Variants in OCA2 observed in about 807,000 individuals in gnomAD.
The protein encoded by OCA2 is P protein.
In OCA2, 77 loss-of-function variants were observed where a neutral mutation model predicts 100.2. That is an observed-to-expected ratio of 0.77 (90% CI 0.64 to 0.93). The LOEUF is 0.93. OCA2 is among the 40% of genes least tolerant of loss of function. OCA2 has a pLI of 0.00. For synonymous variants in OCA2, 432 were observed against 439.2 expected, an observed-to-expected ratio of 0.98 and a Z score of 0.21; for missense variants, 1,062 against 1,089.1, an observed-to-expected ratio of 0.98 and a Z score of 0.35.
In OCA2 at chr15:28,081,879, C is replaced by G. The variant is rs2044643663; in HGVS notation, c.-5G>C. The G allele has an allele frequency of 6.2e-7, 1 of 1,608,710 alleles. No individual in the cohort carries two copies. Among genetic ancestry groups the G allele is most frequent in the Non-Finnish European group, 8.5e-7 (1 of 1,178,962 alleles). On this transcript the variant is annotated 5_prime_UTR_variant, in exon 2 of 24. Coordinates refer to ENST00000354638, the MANE Select transcript of OCA2 (RefSeq NM_000275.3). ...GTCTCTGCCCTCCAGATGCATGCTC[C>G]ACTGCCAGTCTTCTCTCTAGGGCAG...
chr15:27,989,466 C>T, intron 11 of OCA2, 135 bp downstream of exon 11: 1 of 750,090 alleles, frequency 1.3e-6, no homozygotes, highest in South Asian at 1.5e-5. Flanking sequence ...ATTCATGAGA[C>T]CTGCACTAAC....
chr15:27,743,936 C>T, the OCA2 span, among the ~76,000 whole-genome samples: 1 of 152,190 alleles, frequency 6.6e-6, no homozygotes, highest in South Asian at 2.1e-4. Flanking sequence ...TGACTGTCTA[C>T]CAGCTGCTCC....
the OCA2 span, among the ~76,000 whole-genome samples, chr15:27,728,933 C>G: frequency 6.6e-6 from 1 of 152,078 alleles, no homozygotes; most frequent in Non-Finnish European, 1.5e-5. Context: ...TTCAAACGAT[C>G]AAGTCCTGGT....
At chr15:27,797,703 T>C (rs1392491674) in intron 23 of OCA2, among the ~76,000 whole-genome samples, 1 of 152,186 alleles carries the variant, frequency 6.6e-6, no homozygotes, top group East Asian at 1.9e-4. Context: ...ACTCTGAAGC[T>C]GGATGAAAAC....
At chr15:27,896,064 G>A (rs926456311) in intron 19 of OCA2, 26 of 1,199,108 alleles carry the variant, frequency 2.2e-5, no homozygotes, top group Middle Eastern at 2.8e-4. Flanking sequence ...CCAAGTGGAG[G>A]TGACTGGCAA....
At chr15:28,078,455 A>G (rs2044505725) in intron 2 of OCA2, among the ~76,000 whole-genome samples, 1 of 152,184 alleles carries the variant, frequency 6.6e-6, no homozygotes, top group African/African-American at 2.4e-5. Context: ...GTGTCACTCC[A>G]TGATTAGGTC....
chr15:27,795,055 T>C (rs1210824666), intron 23 of OCA2, among the ~76,000 whole-genome samples: 2 of 152,156 alleles, frequency 1.3e-5, no homozygotes, highest in African/African-American at 2.4e-5. Context: ...AATTTGTTAA[T>C]CACCGAGTGG....
At chr15:28,006,013 G>T (rs916059734) in intron 9 of OCA2, among the ~76,000 whole-genome samples, 1 of 152,146 alleles carries the variant, frequency 6.6e-6, no homozygotes, top group Non-Finnish European at 1.5e-5. Context: ...CTGGCCAGCT[G>T]GGGAACTTTG....
chr15:27,729,418 T>C, the OCA2 span, among the ~76,000 whole-genome samples: 1 of 152,200 alleles, frequency 6.6e-6, no homozygotes, highest in African/African-American at 2.4e-5. Flanking sequence ...TAGATGTTTA[T>C]TACAGCAAAT....
At chr15:28,008,317 T>C (rs112281325) in intron 9 of OCA2, among the ~76,000 whole-genome samples, 3 of 152,372 alleles carry the variant, frequency 2.0e-5, no homozygotes, top group African/African-American at 7.2e-5. Context: ...ATGTACTTTA[T>C]GTTCTTAGCT....
chr15:28,034,874 C>G (rs1382906482), intron 2 of OCA2, among the ~76,000 whole-genome samples: 1 of 151,948 alleles, frequency 6.6e-6, no homozygotes, highest in Non-Finnish European at 1.5e-5. Flanking sequence ...TCAAATAAAA[C>G]AAGTTTTCTA....
At chr15:28,049,054 A>C (rs2043428132) in intron 2 of OCA2, among the ~76,000 whole-genome samples, 1 of 152,188 alleles carries the variant, frequency 6.6e-6, no homozygotes, top group South Asian at 2.1e-4. Context: ...CAACCTATGG[A>C]ATTAAAGAAA....
chr15:27,820,395 A>G (rs2034461641), intron 23 of OCA2, among the ~76,000 whole-genome samples: 1 of 152,180 alleles, frequency 6.6e-6, no homozygotes, highest in Non-Finnish European at 1.5e-5. Flanking sequence ...TCCACAGGGT[A>G]TGATGAAAAT....
chr15:27,939,089 T>C (rs767184743), intron 18 of OCA2, among the ~76,000 whole-genome samples: 8 of 152,230 alleles, frequency 5.3e-5, no homozygotes, highest in Non-Finnish European at 1.2e-4. Flanking sequence ...CTTTGAAACA[T>C]GTTGAAAATC....
intron 17 of OCA2, among the ~76,000 whole-genome samples, chr15:27,953,385 TG>T (rs2040102300): frequency 6.6e-6 from 1 of 152,132 alleles, no homozygotes; most frequent in East Asian, 1.9e-4. Flanking sequence ...TGAAGGCTCA[TG>T]GCTGGGCCAG....
At chr15:27,772,317 CTAT>C (rs2031927716) in intron 23 of OCA2, among the ~76,000 whole-genome samples, 2 of 152,226 alleles carry the variant, frequency 1.3e-5, no homozygotes, top group African/African-American at 2.4e-5. Context: ...ACTGCAAATT[CTAT>C]TACTACTACT....
At chr15:28,042,091 A>G (rs1371737588) in intron 2 of OCA2, among the ~76,000 whole-genome samples, 2 of 152,226 alleles carry the variant, frequency 1.3e-5, no homozygotes, top group African/African-American at 2.4e-5. Context: ...TCCATATGTT[A>G]CATATATTAT....
chr15:27,978,679 G>A (rs999323157), intron 14 of OCA2, among the ~76,000 whole-genome samples: 3 of 151,944 alleles, frequency 2.0e-5, no homozygotes, highest in East Asian at 1.9e-4. Flanking sequence ...TATAGAGAGA[G>A]AGAGAGAGAC....
At chr15:28,070,636 C>T (rs2044227187) in intron 2 of OCA2, among the ~76,000 whole-genome samples, 1 of 149,318 alleles carries the variant, frequency 6.7e-6, no homozygotes, top group Non-Finnish European at 1.5e-5. Context: ...GCCCCTCTGC[C>T]CGGCCACCAC....
Sources: gnomAD v4.1 joint callset for allele counts (sites outside exome capture counted in the v4.1 genomes callset) on GRCh38, gnomAD v4.1.1 for gene constraint, MANE v1.5 for transcripts, NCBI Gene and HGNC (gene_info 2026-07-23, HGNC 2026-07-21) for gene names.